Variants in LSAMP observed in about 807,000 individuals in gnomAD.
The protein encoded by LSAMP is limbic system associated membrane protein.
LSAMP carries 7 observed loss-of-function variants against 38.6 expected under a neutral mutation model. The ratio of observed to expected loss-of-function variants is 0.18; its 90% CI spans 0.10 to 0.34. LSAMP has a LOEUF of 0.34. LSAMP is among the 10% of genes least tolerant of loss of function. LSAMP has a pLI of 1.00. For missense variants in LSAMP, 313 were observed against 420.0 expected, an observed-to-expected ratio of 0.75 and a Z score of 2.23; for synonymous variants, 154 against 166.8, an observed-to-expected ratio of 0.92 and a Z score of 0.59.
At chr3:116,299,334 G>T (rs1468203610) in intron 1 of LSAMP, among the ~76,000 whole-genome samples, 1 of 152,206 alleles carries the variant, frequency 6.6e-6, no homozygotes, top group East Asian at 1.9e-4. Context: ...AAACAGGATT[G>T]ATGGAGAGTA....
chr3:115,989,012 T>G (rs1358907991), intron 3 of LSAMP, among the ~76,000 whole-genome samples: 1 of 152,122 alleles, frequency 6.6e-6, no homozygotes, highest in African/African-American at 2.4e-5. Context: ...AGGAGCATAG[T>G]GATATCAAAC....
intron 1 of LSAMP, among the ~76,000 whole-genome samples, chr3:116,224,072 A>G: frequency 6.6e-6 from 1 of 152,108 alleles, no homozygotes; most frequent in Non-Finnish European, 1.5e-5. Context: ...CTGATTCCAC[A>G]TGTGAGTATG....
chr3:116,285,088 C>T (rs2047175510), intron 1 of LSAMP, among the ~76,000 whole-genome samples: 1 of 152,126 alleles, frequency 6.6e-6, no homozygotes, highest in Non-Finnish European at 1.5e-5. Context: ...AGACTGAAAT[C>T]GTTGATCACT....
chr3:115,833,940 AAATTT>A (rs1934701594), intron 6 of LSAMP, among the ~76,000 whole-genome samples: 1 of 152,276 alleles, frequency 6.6e-6, no homozygotes, highest in East Asian at 1.9e-4. Context: ...GTAGGAGGCA[AAATTT>A]AATTTGAGTG....
At chr3:116,074,226 GATTTTATTTCAGC>G (rs1707679580) in intron 2 of LSAMP, among the ~76,000 whole-genome samples, 2 of 152,144 alleles carry the variant, frequency 1.3e-5, no homozygotes. Context: ...AGGATGCCTG[GATTTTATTTCAGC>G]ATTTATACTG....
chr3:116,134,438 T>C (rs10511354), intron 1 of LSAMP, among the ~76,000 whole-genome samples: 8,852 of 152,268 alleles, frequency 0.058, 305 homozygotes, highest in Middle Eastern at 0.16. Context: ...GGCTATCCAG[T>C]GTGTTTAAAA....
rs576811014 is a variant in LSAMP at position 115,885,117 on chromosome 3, G to T, written c.515-32500C>A. On this transcript the variant is annotated intron_variant, in intron 3 of 6. Transcript: ENST00000490035. ...GGAAAAACACAAATGAGAAGGAGAA[G>T]TGCAAGAATAATGCAAACTCATTCA... Among the ~76,000 whole-genome samples, 5 of 151,968 alleles carry T rather than the reference G, an allele frequency of 3.3e-5. No homozygotes were observed. In the South Asian group the frequency reaches 1.0e-3, roughly 32 times the overall value.
intron 1 of LSAMP, among the ~76,000 whole-genome samples, chr3:116,356,663 T>C (rs1050215373): frequency 6.6e-6 from 1 of 152,250 alleles, no homozygotes; most frequent in Admixed American, 6.5e-5. Flanking sequence ...TTGTGATTAG[T>C]AACATCATAT....
intron 1 of LSAMP, among the ~76,000 whole-genome samples, chr3:116,276,277 A>G (rs1025646903): frequency 3.9e-5 from 6 of 152,106 alleles, no homozygotes; most frequent in Non-Finnish European, 8.8e-5. Context: ...TGAAATCCTC[A>G]AAAACTACAT....
chr3:115,997,762 A>T (rs1428376999), intron 3 of LSAMP, among the ~76,000 whole-genome samples: 1 of 142,058 alleles, frequency 7.0e-6, no homozygotes, highest in African/African-American at 2.6e-5. Flanking sequence ...ATACACACAC[A>T]TACATACACA....
intron 1 of LSAMP, among the ~76,000 whole-genome samples, chr3:116,206,248 TA>T (rs1481315313): frequency 6.7e-6 from 1 of 149,726 alleles, no homozygotes; most frequent in African/African-American, 2.5e-5. Flanking sequence ...TCAGTGGTGA[TA>T]TCCCCTTTAT....
chr3:116,434,715 C>A (rs1006599107), intron 1 of LSAMP, among the ~76,000 whole-genome samples: 1 of 152,078 alleles, frequency 6.6e-6, no homozygotes. Context: ...CCAGGCCCAG[C>A]CAATTTTTGT....
chr3:116,075,330 G>T (rs1209315043), intron 2 of LSAMP, among the ~76,000 whole-genome samples: 1 of 150,910 alleles, frequency 6.6e-6, no homozygotes, highest in African/African-American at 2.4e-5. Context: ...TAGAGACAGG[G>T]TTTCACTATG....
chr3:116,264,840 T>TAAAC (rs2046872239), intron 1 of LSAMP, among the ~76,000 whole-genome samples: 2 of 152,200 alleles, frequency 1.3e-5, no homozygotes, highest in Middle Eastern at 3.4e-3. Context: ...AAACTGAGTT[T>TAAAC]AAACAATCCT....
chr3:115,883,225 C>T lies in LSAMP; in HGVS notation c.515-30608G>A, dbSNP rs550760976. Reference sequence around the variant, plus strand: ...CATTGATTAAACAGAGGATTTTGTACATTGCCATCTATTAGAACACATTTG... The same window carrying T: ...CATTGATTAAACAGAGGATTTTGTATATTGCCATCTATTAGAACACATTTG... On this transcript the variant is annotated intron_variant, in intron 3 of 6. Coordinates refer to ENST00000490035, the MANE Select transcript of LSAMP (RefSeq NM_002338.5). 4.9e-4 allele frequency among the ~76,000 whole-genome samples: 75 copies of T among 152,084 alleles called. No homozygotes were observed. The Middle Eastern group carries it at 0.01, about 21-fold the overall frequency.
At chr3:115,857,112 T>C (rs908684931) in intron 3 of LSAMP, among the ~76,000 whole-genome samples, 1 of 152,218 alleles carries the variant, frequency 6.6e-6, no homozygotes, top group Non-Finnish European at 1.5e-5. Context: ...TGAGGAATTA[T>C]CTGCCATGTG....
chr3:116,358,309 G>A (rs1313069580), intron 1 of LSAMP, among the ~76,000 whole-genome samples: 2 of 152,138 alleles, frequency 1.3e-5, no homozygotes, highest in Non-Finnish European at 2.9e-5. Context: ...TTCCTCAATG[G>A]AGGTGTTTGC....
In LSAMP at chr3:116,370,569, T is replaced by A. The variant is rs72950177; in HGVS notation, c.155+74308A>T. The stretch of plus-strand genomic sequence containing the variant: ...TCTTGGCAGGCAGTTGTACACATAT[T>A]ACCTAAGCAGCATGCACACATTTTG... On this transcript the variant is annotated intron_variant, in intron 1 of 6. Transcript: ENST00000490035. Among the ~76,000 whole-genome samples, 374 of 152,240 alleles carry A rather than the reference T, an allele frequency of 2.5e-3. 4 individuals carry two copies. The highest frequency in any genetic ancestry group is 8.6e-3 in the African/African-American group (359 of 41,540).
intron 1 of LSAMP, among the ~76,000 whole-genome samples, chr3:116,270,854 T>C (rs1330957192): frequency 6.6e-6 from 1 of 152,170 alleles, no homozygotes; most frequent in Non-Finnish European, 1.5e-5. Flanking sequence ...AGTAAAAAAA[T>C]ACTGTAACTT....
Sources: gnomAD v4.1 joint callset for allele counts (sites outside exome capture counted in the v4.1 genomes callset) on GRCh38, gnomAD v4.1.1 for gene constraint, MANE v1.5 for transcripts, NCBI Gene and HGNC (gene_info 2026-07-23, HGNC 2026-07-21) for gene names.